GRM8: variants seen among roughly 807,000 people sequenced by gnomAD.
GRM8 encodes glutamate metabotropic receptor 8, also known as metabotropic glutamate receptor 8.
A neutral mutation model predicts 87.2 loss-of-function variants in GRM8; 47 were observed. The ratio of observed to expected loss-of-function variants is 0.54; its 90% CI spans 0.43 to 0.69. GRM8 has a LOEUF of 0.69. Among genes scored for constraint, GRM8 ranks in the 30% least tolerant of loss-of-function variants. The probability of loss-of-function intolerance (pLI) is 0.00; values close to 1 mark genes in which losing one functional copy is unlikely to be tolerated. For missense variants in GRM8, 1,019 were observed against 1,139.2 expected (o/e 0.89, Z 1.52); for synonymous variants, 396 against 404.5 (o/e 0.98, Z 0.25).
At chr7:126,845,684 GTA>G (rs1383165347) in intron 6 of GRM8, among the ~76,000 whole-genome samples, 2 of 152,168 alleles carry the variant, frequency 1.3e-5, no homozygotes, top group African/African-American at 4.8e-5. Flanking sequence ...ATAAATATTT[GTA>G]TCTTTGTTGG....
At chr7:127,051,174 T>C (rs1390274668) in intron 3 of GRM8, among the ~76,000 whole-genome samples, 1 of 152,218 alleles carries the variant, frequency 6.6e-6, no homozygotes, top group Non-Finnish European at 1.5e-5. Context: ...GGTCCCCACT[T>C]GGGATTTGTT....
At chr7:127,137,203 A>T (rs192391123) in intron 2 of GRM8, among the ~76,000 whole-genome samples, 1 of 151,866 alleles carries the variant, frequency 6.6e-6, no homozygotes, top group Non-Finnish European at 1.5e-5. Flanking sequence ...ACACATACAC[A>T]TGCATAAACA....
At chr7:126,746,195 G>C (rs1274850349) in intron 7 of GRM8, among the ~76,000 whole-genome samples, 1 of 151,642 alleles carries the variant, frequency 6.6e-6, no homozygotes, top group Non-Finnish European at 1.5e-5. Flanking sequence ...CTGTGAATTA[G>C]ACAAAAATTA....
chr7:126,575,178 GC>G (rs1196815823), intron 8 of GRM8, among the ~76,000 whole-genome samples: 1 of 151,720 alleles, frequency 6.6e-6, no homozygotes, highest in Non-Finnish European at 1.5e-5. Context: ...CCTGAGTTCT[GC>G]CTCCTGTCAG....
intron 2 of GRM8, among the ~76,000 whole-genome samples, chr7:127,156,333 G>T (rs1255378160): frequency 6.6e-6 from 1 of 152,228 alleles, no homozygotes; most frequent in South Asian, 2.1e-4. Flanking sequence ...GGCTGCATTG[G>T]GAGAAGATTA....
In GRM8 at chr7:126,707,478, C is replaced by T. The variant is rs141136926; in HGVS notation, c.1357+62387G>A. Among the ~76,000 whole-genome samples, 200 of 152,184 alleles carry T rather than the reference C, an allele frequency of 1.3e-3. 1 individual carries two copies. In the East Asian group the frequency reaches 0.015, roughly 11 times the overall value. On this transcript the variant is annotated intron_variant, in intron 7 of 10. Coordinates refer to ENST00000339582, the MANE Select transcript of GRM8 (RefSeq NM_000845.3). ...AGGGGGTGTATAGTATTAGACAATG[C>T]TTCATTTAACTAGACTTTCTTTTCT...
At chr7:126,520,521 A>G (rs1421513384) in intron 9 of GRM8, among the ~76,000 whole-genome samples, 6 of 152,118 alleles carry the variant, frequency 3.9e-5, no homozygotes, top group African/African-American at 1.4e-4. Flanking sequence ...TATGTGAATG[A>G]TGAGAATGTC....
At chr7:126,905,700 G>A (rs1179008748) in intron 3 of GRM8, among the ~76,000 whole-genome samples, 2 of 152,128 alleles carry the variant, frequency 1.3e-5, no homozygotes, top group Non-Finnish European at 2.9e-5. Context: ...TAATCCAGGA[G>A]TTACCACCTA....
At chr7:126,829,863 C>G (rs537768054) in intron 6 of GRM8, among the ~76,000 whole-genome samples, 6 of 152,032 alleles carry the variant, frequency 3.9e-5, no homozygotes, top group Non-Finnish European at 8.8e-5. Flanking sequence ...TCCATGTTTA[C>G]TGCTTCCTTC....
At chr7:127,150,655 T>C (rs1302124782) in intron 2 of GRM8, among the ~76,000 whole-genome samples, 1 of 152,090 alleles carries the variant, frequency 6.6e-6, no homozygotes, top group Non-Finnish European at 1.5e-5. Flanking sequence ...AAAAGTCACA[T>C]CCCAAACACA....
At chr7:126,775,222 G>A (rs1001033976) in intron 6 of GRM8, among the ~76,000 whole-genome samples, 12 of 152,112 alleles carry the variant, frequency 7.9e-5, no homozygotes, top group African/African-American at 2.9e-4. Flanking sequence ...GGTAGAGGAA[G>A]AAGGGAATTT....
intron 6 of GRM8, among the ~76,000 whole-genome samples, chr7:126,773,111 C>T (rs1819032376): frequency 6.6e-6 from 1 of 152,018 alleles, no homozygotes; most frequent in African/African-American, 2.4e-5. Flanking sequence ...GCCCAAGGTA[C>T]AATAATGGCA....
chr7:126,730,237 AG>A (rs1232925375), intron 7 of GRM8, among the ~76,000 whole-genome samples: 1 of 152,226 alleles, frequency 6.6e-6, no homozygotes, highest in African/African-American at 2.4e-5. Flanking sequence ...GCACTGATTT[AG>A]AAGTTGAAAT....
intron 8 of GRM8, among the ~76,000 whole-genome samples, chr7:126,540,814 G>A (rs2150893918): frequency 6.6e-6 from 1 of 152,318 alleles, no homozygotes; most frequent in South Asian, 2.1e-4. Context: ...GGATGATGAT[G>A]AAAATGAACT....
chr7:126,792,369 G>A (rs1821443146), intron 6 of GRM8, among the ~76,000 whole-genome samples: 1 of 152,178 alleles, frequency 6.6e-6, no homozygotes, highest in South Asian at 2.1e-4. Flanking sequence ...GCATCACCTT[G>A]TCAGGAAACT....
intron 2 of GRM8, among the ~76,000 whole-genome samples, chr7:127,206,300 G>T (rs998290518): frequency 1.3e-5 from 2 of 152,110 alleles, no homozygotes; most frequent in African/African-American, 4.8e-5. Context: ...ATGCGGTGAA[G>T]ACCTCTCTCA....
intron 7 of GRM8, among the ~76,000 whole-genome samples, chr7:126,764,247 G>A (rs1237958290): frequency 6.6e-6 from 1 of 151,872 alleles, no homozygotes; most frequent in African/African-American, 2.4e-5. Context: ...TCCATCTCTT[G>A]ATAAGAGTAA....
intron 3 of GRM8, among the ~76,000 whole-genome samples, chr7:126,936,435 ACTAT>A (rs1240603828): frequency 1.3e-5 from 2 of 152,024 alleles, no homozygotes; most frequent in African/African-American, 4.8e-5. Flanking sequence ...TGTGTTACAG[ACTAT>A]CTGACTCCCC....
intron 9 of GRM8, among the ~76,000 whole-genome samples, chr7:126,521,370 C>T (rs1358362169): frequency 1.3e-5 from 2 of 151,860 alleles, no homozygotes; most frequent in African/African-American, 2.4e-5. Flanking sequence ...CAACTGATTG[C>T]AATTTTTGAA....
Sources: gnomAD v4.1 joint callset for allele counts (sites outside exome capture counted in the v4.1 genomes callset) on GRCh38, gnomAD v4.1.1 for gene constraint, MANE v1.5 for transcripts, NCBI Gene and HGNC (gene_info 2026-07-23, HGNC 2026-07-21) for gene names.